The following NRXN3 variants were observed in gnomAD, a reference collection of about 807,000 sequenced individuals.
NRXN3 encodes the protein neurexin 3.
In NRXN3, 32 loss-of-function variants were observed where a neutral mutation model predicts 137.6. The observed-to-expected ratio is 0.23, with a 90% confidence interval of 0.18 to 0.31. The LOEUF is 0.31. Among genes scored for constraint, NRXN3 ranks in the 10% least tolerant of loss-of-function variants. The pLI, the probability that NRXN3 is intolerant of heterozygous loss-of-function variation, is 1.00. For synonymous variants in NRXN3, 798 were observed against 784.5 expected (o/e 1.02, Z -0.29); for missense variants, 1,574 against 2,062.5 (o/e 0.76, Z 4.59).
intron 4 of NRXN3, among the ~76,000 whole-genome samples, chr14:78,428,545 G>A (rs1439119583): frequency 6.6e-6 from 1 of 152,174 alleles, no homozygotes; most frequent in Non-Finnish European, 1.5e-5. Context: ...GTGAAAGAGG[G>A]AGAGGGGAGA....
At chr14:79,446,498 C>T (rs1042712611) in intron 15 of NRXN3, among the ~76,000 whole-genome samples, 2 of 151,930 alleles carry the variant, frequency 1.3e-5, no homozygotes, top group African/African-American at 4.8e-5. Context: ...ATTTTTGTTG[C>T]TCTCCACATA....
At chr14:78,843,799 G>C (rs983482955) in intron 10 of NRXN3, among the ~76,000 whole-genome samples, 1 of 152,078 alleles carries the variant, frequency 6.6e-6, no homozygotes, top group African/African-American at 2.4e-5. Flanking sequence ...TTCATATATA[G>C]GCTGAAGGAC....
intron 15 of NRXN3, among the ~76,000 whole-genome samples, chr14:79,164,423 A>G (rs370503635): frequency 6.6e-6 from 1 of 151,976 alleles, no homozygotes; most frequent in Non-Finnish European, 1.5e-5. Context: ...GTAAACATCT[A>G]GTCCATTTTG....
chr14:79,774,243 C>A (rs1476406334), intron 19 of NRXN3, among the ~76,000 whole-genome samples: 2 of 151,978 alleles, frequency 1.3e-5, no homozygotes, highest in Non-Finnish European at 2.9e-5. Flanking sequence ...GTCTGTAATC[C>A]CACAGGTGGA....
chr14:78,981,410 C>A (rs1000212130), intron 14 of NRXN3, among the ~76,000 whole-genome samples: 3 of 152,182 alleles, frequency 2.0e-5, no homozygotes, highest in Non-Finnish European at 4.4e-5. Context: ...AATTAGCAAG[C>A]TTGGGTTTGA....
At chr14:79,735,268 A>T (rs1462268902) in intron 19 of NRXN3, among the ~76,000 whole-genome samples, 1 of 152,218 alleles carries the variant, frequency 6.6e-6, no homozygotes, top group Non-Finnish European at 1.5e-5. Flanking sequence ...CCAATCAGGG[A>T]AAAGTAGTAA....
chr14:79,618,352 C>G (rs540286623), intron 16 of NRXN3, among the ~76,000 whole-genome samples: 2 of 152,078 alleles, frequency 1.3e-5, no homozygotes, highest in Admixed American at 6.6e-5. Context: ...TTCCCTCCCC[C>G]TCTAGTAATC....
chr14:79,508,390 A>ATTTCTGATTTTTTTTTT (rs1555494789), intron 16 of NRXN3, among the ~76,000 whole-genome samples: 2 of 48,238 alleles, frequency 4.1e-5, no homozygotes, highest in African/African-American at 1.5e-4. Context: ...ACAATAACTG[A>ATTTCTGATTTTTTTTTT]TTTTTTTTTT....
At chr14:79,509,541 A>G (rs200028779) in intron 16 of NRXN3, among the ~76,000 whole-genome samples, 9 of 148,798 alleles carry the variant, frequency 6.0e-5, no homozygotes, top group African/African-American at 9.9e-5. Context: ...TATTATATAT[A>G]TGTGTGTGTG....
chr14:79,284,666 C>A (rs529744687), intron 15 of NRXN3, among the ~76,000 whole-genome samples: 41 of 152,110 alleles, frequency 2.7e-4, no homozygotes, highest in Admixed American at 2.2e-3. Flanking sequence ...CCTATTCAAA[C>A]CATCTTAGCA....
chr14:79,211,290 ATGAC>A (rs1413958540), intron 15 of NRXN3, among the ~76,000 whole-genome samples: 1 of 152,186 alleles, frequency 6.6e-6, no homozygotes, highest in Non-Finnish European at 1.5e-5. Context: ...GTTTAGAAGA[ATGAC>A]TGGCACTTCA....
At chr14:78,868,418 A>G (rs964852386) in intron 10 of NRXN3, among the ~76,000 whole-genome samples, 7 of 152,210 alleles carry the variant, frequency 4.6e-5, no homozygotes, top group African/African-American at 1.4e-4. Context: ...CTATGATTAC[A>G]GGTGACTAGT....
At chr14:78,476,970 C>T (rs1465896449) in intron 4 of NRXN3, among the ~76,000 whole-genome samples, 2 of 152,146 alleles carry the variant, frequency 1.3e-5, no homozygotes, top group Non-Finnish European at 2.9e-5. Flanking sequence ...AATCTGAGCT[C>T]TGCAGCAGCC....
At chr14:79,827,275 T>C (rs1389354221) in intron 20 of NRXN3, among the ~76,000 whole-genome samples, 1 of 151,934 alleles carries the variant, frequency 6.6e-6, no homozygotes, top group Non-Finnish European at 1.5e-5. Context: ...TAGAGAAGGA[T>C]GAGGAAACCT....
At position 78,572,749 on chromosome 14, in the gene NRXN3, G is replaced by C. The variant is rs371192705; in HGVS notation, c.758-72371G>C. ...CTTCCAACTATATTTTACATTTTTT[G>C]CTTTCAGAGGCTATGCTTCTTCTTC... is the stretch of plus-strand genomic sequence containing the variant. On this transcript the variant is annotated intron_variant, in intron 4 of 20. Transcript: ENST00000335750. Among the ~76,000 whole-genome samples the C allele has an allele frequency of 1.2e-4, 18 of 152,134 alleles. 1 individual carries two copies. Among genetic ancestry groups the C allele is most frequent in the East Asian group, 5.8e-4 (3 of 5,174 alleles).
intron 15 of NRXN3, among the ~76,000 whole-genome samples, chr14:79,273,257 G>T (rs1237890848): frequency 6.7e-6 from 1 of 149,374 alleles, no homozygotes; most frequent in Non-Finnish European, 1.5e-5. Context: ...AACAGGAAAA[G>T]AAGACTGTTT....
chr14:79,414,602 A>G (rs185548504), intron 15 of NRXN3, among the ~76,000 whole-genome samples: 1 of 152,164 alleles, frequency 6.6e-6, no homozygotes, highest in Admixed American at 6.6e-5. Context: ...ATATGTATTC[A>G]GGGAGTACAA....
chr14:79,665,471 G>A (rs1231443309), intron 17 of NRXN3, among the ~76,000 whole-genome samples: 1 of 152,092 alleles, frequency 6.6e-6, no homozygotes, highest in Non-Finnish European at 1.5e-5. Flanking sequence ...ATTTTTAAAT[G>A]CTTCCTGCTT....
At chr14:78,918,200 G>T (rs1380792937) in intron 10 of NRXN3, among the ~76,000 whole-genome samples, 1 of 145,328 alleles carries the variant, frequency 6.9e-6, no homozygotes, top group African/African-American at 2.6e-5. Context: ...CGGGAGAATC[G>T]CTTGAACCTG....
Sources: allele counts gnomAD v4.1 joint callset (sites outside exome capture counted in the v4.1 genomes callset), GRCh38; gene constraint gnomAD v4.1.1; transcripts MANE v1.5; gene names NCBI Gene and HGNC (gene_info 2026-07-23, HGNC 2026-07-21).